Variants in PCCA observed in about 807,000 individuals in gnomAD.
PCCA encodes the protein propionyl-CoA carboxylase subunit alpha, also known as propionyl-CoA carboxylase alpha chain, mitochondrial.
Under a neutral mutation model 101.3 loss-of-function variants are expected in PCCA, and 74 were observed. The observed-to-expected ratio is 0.73, with a 90% CI of 0.61 to 0.89. The LOEUF (loss-of-function observed/expected upper bound fraction) is 0.89, where lower values mean the gene tolerates loss of function less well. Among genes scored for constraint, PCCA ranks in the 40% least tolerant of loss-of-function variants. The probability of loss-of-function intolerance (pLI) is 0.00; values close to 1 mark genes in which losing one functional copy is unlikely to be tolerated. For missense variants in PCCA, 891 were observed against 907.0 expected (o/e 0.98, Z 0.23); for synonymous variants, 294 against 313.6 (o/e 0.94, Z 0.66).
At chr13:100,203,604 A>T (rs1171392177) in intron 6 of PCCA, among the ~76,000 whole-genome samples, 1 of 152,072 alleles carries the variant, frequency 6.6e-6, no homozygotes, top group Non-Finnish European at 1.5e-5. Flanking sequence ...GAGGCAGGAG[A>T]ATTGCTTGAA....
At chr13:100,212,888 C>G (rs2059303240) in intron 7 of PCCA, among the ~76,000 whole-genome samples, 1 of 151,856 alleles carries the variant, frequency 6.6e-6, no homozygotes, top group South Asian at 2.1e-4. Flanking sequence ...CTCCTCCCCA[C>G]TACCCTTCCC....
intron 22 of PCCA, among the ~76,000 whole-genome samples, chr13:100,516,370 C>A (rs1298221334): frequency 6.6e-6 from 1 of 152,186 alleles, no homozygotes; most frequent in Admixed American, 6.5e-5. Flanking sequence ...ATTTTAGTGC[C>A]TCCTGATTTC....
intron 18 of PCCA, among the ~76,000 whole-genome samples, chr13:100,344,521 T>C (rs968072200): frequency 6.6e-5 from 10 of 152,224 alleles, no homozygotes; most frequent in Non-Finnish European, 1.5e-4. Flanking sequence ...TACTCATTAG[T>C]TCCATGATTT....
At chr13:100,471,393 G>A (rs774096020) in intron 21 of PCCA, among the ~76,000 whole-genome samples, 7 of 152,192 alleles carry the variant, frequency 4.6e-5, no homozygotes, top group Non-Finnish European at 7.3e-5. Flanking sequence ...TTGAAATACT[G>A]CAAGAATTAC....
chr13:100,313,532 T>G (rs2067101653), intron 16 of PCCA, among the ~76,000 whole-genome samples: 1 of 152,154 alleles, frequency 6.6e-6, no homozygotes, highest in African/African-American at 2.4e-5. Flanking sequence ...CTACCTTCAG[T>G]TACTGGGTAA....
chr13:100,480,120 G>C (rs1415484442), intron 21 of PCCA: 1 of 128,796 alleles, frequency 7.8e-6, no homozygotes, highest in Non-Finnish European at 1.6e-5. Flanking sequence ...TTGACTCTTT[G>C]ATATTTGACT....
intron 1 of PCCA, among the ~76,000 whole-genome samples, chr13:100,101,167 A>G (rs1299309464): frequency 6.6e-6 from 1 of 152,176 alleles, no homozygotes; most frequent in Non-Finnish European, 1.5e-5. Flanking sequence ...TTTAGGCCAC[A>G]TTATTACAAG....
chr13:100,297,973 A>G (rs1420143598), intron 12 of PCCA, among the ~76,000 whole-genome samples: 1 of 138,254 alleles, frequency 7.2e-6, no homozygotes, highest in Non-Finnish European at 1.6e-5. Flanking sequence ...GTGAGTGTGA[A>G]TTTTTTTTTT....
intron 19 of PCCA, among the ~76,000 whole-genome samples, chr13:100,411,718 G>A (rs567484743): frequency 6.6e-6 from 1 of 152,144 alleles, no homozygotes; most frequent in Non-Finnish European, 1.5e-5. Context: ...TTTGCAGATG[G>A]CCATCTTTCT....
chr13:100,377,077 C>T (rs2075960008), intron 19 of PCCA, among the ~76,000 whole-genome samples: 1 of 152,190 alleles, frequency 6.6e-6, no homozygotes, highest in Non-Finnish European at 1.5e-5. Flanking sequence ...TTCCCTGACC[C>T]CTTGTGCTGC....
intron 10 of PCCA, among the ~76,000 whole-genome samples, chr13:100,264,974 G>T (rs1011440206): frequency 1.3e-5 from 2 of 152,154 alleles, no homozygotes; most frequent in African/African-American, 4.8e-5. Flanking sequence ...TTGACCATTT[G>T]AATGGCTTAT....
chr13:100,143,842 A>G (rs1333955259), intron 4 of PCCA, among the ~76,000 whole-genome samples: 5 of 151,902 alleles, frequency 3.3e-5, no homozygotes, highest in South Asian at 2.1e-4. Flanking sequence ...GCAACTTCCA[A>G]CTCATGGGCT....
rs556346586 is a variant in PCCA at position 100,391,605 on chromosome 13, A to G, written c.1746+23031A>G. On this transcript the variant is annotated intron_variant, in intron 19 of 23. Coordinates refer to ENST00000376285, the MANE Select transcript of PCCA (RefSeq NM_000282.4). The stretch of plus-strand genomic sequence containing the variant: ...CAGGGAGGCTAGGCGGAGAGGTGCC[A>G]GTGAGGGAGGTGGAGATAGGCAGAT... Among the ~76,000 whole-genome samples, 20 of 152,248 alleles carry G rather than the reference A, an allele frequency of 1.3e-4. No individual in the cohort carries two copies. In the South Asian group the frequency reaches 3.7e-3, roughly 28 times the overall value.
intron 20 of PCCA, among the ~76,000 whole-genome samples, chr13:100,436,087 A>G (rs918101579): frequency 6.6e-6 from 1 of 151,920 alleles, no homozygotes; most frequent in Non-Finnish European, 1.5e-5. Flanking sequence ...ATGAAACTGT[A>G]CTCCACAGTG....
chr13:100,231,153 A>G (rs2060446389), intron 7 of PCCA, among the ~76,000 whole-genome samples: 1 of 152,214 alleles, frequency 6.6e-6, no homozygotes, highest in South Asian at 2.1e-4. Flanking sequence ...TGCACCACAT[A>G]ATCATTCCTT....
intron 19 of PCCA, among the ~76,000 whole-genome samples, chr13:100,416,969 G>C (rs1047729578): frequency 6.6e-6 from 1 of 151,810 alleles, no homozygotes; most frequent in South Asian, 2.1e-4. Flanking sequence ...TCAGCCTCCC[G>C]AGTAGCTGGG....
At chr13:100,160,255 C>T (rs1034319799) in intron 6 of PCCA, among the ~76,000 whole-genome samples, 1 of 152,100 alleles carries the variant, frequency 6.6e-6, no homozygotes, top group Non-Finnish European at 1.5e-5. Flanking sequence ...GTAATCCCTG[C>T]ACTTTGGGAG....
At chr13:100,389,825 C>T (rs545843868) in intron 19 of PCCA, among the ~76,000 whole-genome samples, 9 of 152,188 alleles carry the variant, frequency 5.9e-5, no homozygotes, top group Admixed American at 3.9e-4. Flanking sequence ...AGCTGGGACC[C>T]GGCCATGTGA....
chr13:100,324,303 A>G lies in PCCA; in HGVS notation c.1430-6258A>G, dbSNP rs142355355. On this transcript the variant is annotated intron_variant, in intron 16 of 23. Coordinates refer to ENST00000376285, the MANE Select transcript of PCCA (RefSeq NM_000282.4). ...TGCATCCTAGAACTCTCCCAATACT[A>G]TTAGTATCCTCTTGTGGCAGTTACC... Among the ~76,000 whole-genome samples, 274 of 152,244 alleles carry G rather than the reference A, an allele frequency of 1.8e-3. 2 individuals carry two copies. Among genetic ancestry groups the G allele is most frequent in the Non-Finnish European group, 3.0e-3 (204 of 68,010 alleles).
Sources: allele counts gnomAD v4.1 joint callset (sites outside exome capture counted in the v4.1 genomes callset), GRCh38; gene constraint gnomAD v4.1.1; transcripts MANE v1.5; gene names NCBI Gene and HGNC (gene_info 2026-07-23, HGNC 2026-07-21).